Variants in RCAN3 observed in about 807,000 individuals in gnomAD.
RCAN3 encodes regulator of calcineurin 3, also known as calcipressin-3.
Under a neutral mutation model 21.9 loss-of-function variants are expected in RCAN3, and 19 were observed. The observed-to-expected ratio is 0.87, with a 90% CI of 0.61 to 1.27. The LOEUF (loss-of-function observed/expected upper bound fraction) is 1.27, where lower values mean the gene tolerates loss of function less well. Ranked by LOEUF, RCAN3 falls within the 50% of genes most tolerant of loss-of-function variation. The probability of loss-of-function intolerance (pLI) is 0.00; values close to 1 mark genes in which losing one functional copy is unlikely to be tolerated. For missense variants in RCAN3, 240 were observed against 300.1 expected (o/e 0.80, Z 1.48); for synonymous variants, 114 against 112.3 (o/e 1.01, Z -0.09).
chr1:24,511,296 A>C (rs996087033), intron 1 of RCAN3, among the ~76,000 whole-genome samples: 3 of 152,150 alleles, frequency 2.0e-5, no homozygotes, highest in Non-Finnish European at 4.4e-5. Flanking sequence ...CTGGGCGACA[A>C]AGCAAGACTC....
chr1:24,520,971 A>G (rs1464710627), intron 2 of RCAN3, among the ~76,000 whole-genome samples: 2 of 152,192 alleles, frequency 1.3e-5, no homozygotes, highest in Non-Finnish European at 2.9e-5. Flanking sequence ...TGAAATTCAT[A>G]TAGAACCTCA....
chr1:24,520,928 A>G (rs566438666), intron 2 of RCAN3, among the ~76,000 whole-genome samples: 1 of 152,212 alleles, frequency 6.6e-6, no homozygotes, highest in Non-Finnish European at 1.5e-5. Flanking sequence ...CAAAATCCCA[A>G]TGATTTTTTT....
intron 1 of RCAN3, among the ~76,000 whole-genome samples, chr1:24,512,827 T>C (rs551856094): frequency 6.9e-4 from 105 of 152,336 alleles, no homozygotes; most frequent in African/African-American, 2.2e-3. Flanking sequence ...GTGCACTTCA[T>C]TGGAAGAGGC....
intron 2 of RCAN3, among the ~76,000 whole-genome samples, chr1:24,521,252 C>T (rs1306818127): frequency 6.6e-6 from 1 of 152,088 alleles, no homozygotes; most frequent in Non-Finnish European, 1.5e-5. Context: ...AAACTGAAAT[C>T]CACATGCAGA....
chr1:24,533,914 T>C (rs925196987), intron 4 of RCAN3, among the ~76,000 whole-genome samples: 1 of 152,218 alleles, frequency 6.6e-6, no homozygotes, highest in African/African-American at 2.4e-5. Flanking sequence ...AGTTAGTGAA[T>C]ATGAGGTGCC....
At chr1:24,524,853 A>G (rs578002244) in intron 2 of RCAN3, among the ~76,000 whole-genome samples, 1 of 134,112 alleles carries the variant, frequency 7.5e-6, no homozygotes, top group South Asian at 2.3e-4. Flanking sequence ...TTTTTGAGAC[A>G]GGGTCTCGCT....
chr1:24,517,659 A>G (rs989640553), intron 2 of RCAN3, among the ~76,000 whole-genome samples: 3 of 152,182 alleles, frequency 2.0e-5, no homozygotes, highest in Non-Finnish European at 4.4e-5. Context: ...AAATGTTTAT[A>G]TTATGGTTAT....
chr1:24,531,167 CTTTT>C, intron 2 of RCAN3, 47 bp from the exon 3 acceptor site: 1 of 1,003,214 alleles, frequency 1.0e-6, no homozygotes, highest in Non-Finnish European at 1.3e-6. Flanking sequence ...AAAGGTTTTT[CTTTT>C]TTTTTTTTCC....
At position 24,538,965 on chromosome 1, in the gene RCAN3, C is replaced by G. The variant is rs1203980792; in HGVS notation, c.*3688C>G. On this transcript the variant is annotated 3_prime_UTR_variant, in exon 5 of 5. Transcript: ENST00000374395. The stretch of plus-strand genomic sequence containing the variant: ...AAAAAGTTTCCCATTCATATTAACT[C>G]CATCTTTTAAAAATGTCATGATTAC... 1 of 152,038 alleles carries G rather than the reference C, an allele frequency of 6.6e-6. No homozygotes were observed. Among genetic ancestry groups the G allele is most frequent in the Non-Finnish European group, 1.5e-5 (1 of 68,012 alleles). 9.4% of individuals were successfully genotyped at this position (152,038 alleles called of 1,614,324 possible).
intron 2 of RCAN3, among the ~76,000 whole-genome samples, chr1:24,518,817 A>G (rs1163495647): frequency 6.6e-6 from 1 of 152,086 alleles, no homozygotes; most frequent in Non-Finnish European, 1.5e-5. Context: ...TCTGTCACCC[A>G]GGCTGGAGTG....
Position 24,536,932 on chromosome 1 carries a change from A to G in RCAN3, c.*1655A>G, listed in dbSNP as rs1335108223. On this transcript the variant is annotated 3_prime_UTR_variant, in exon 5 of 5. Coordinates refer to ENST00000374395, the MANE Select transcript of RCAN3 (RefSeq NM_013441.4). ...AAATTCAGTTGAAATTTGCAATTCT[A>G]TCAGCAATTTAATGTATTGAATTCA... The G allele has an allele frequency of 2.6e-5, 4 of 152,052 alleles. No homozygotes were observed. Among genetic ancestry groups the G allele is most frequent in the South Asian group, 4.1e-4 (2 of 4,828 alleles). 9.4% of individuals were successfully genotyped at this position (152,052 alleles called of 1,614,324 possible). A position where few individuals can be genotyped will look rare whatever the true frequency, so the allele number is the denominator to read the frequency against.
chr1:24,531,279 G>C lies in RCAN3; in HGVS notation c.257G>C (p.Ser86Thr). 6.2e-7 allele frequency: 1 copy of C among 1,613,330 alleles called. No homozygotes were observed. The highest frequency in any genetic ancestry group is 8.5e-7 in the Non-Finnish European group (1 of 1,179,710). The change falls in exon 3 of 5, where the codon AGC (serine) becomes ACC (threonine). Residue 86 changes from serine to threonine, a missense_variant. By Grantham distance (58) the Ser-to-Thr change is moderately conservative. Coordinates refer to ENST00000374395, the MANE Select transcript of RCAN3 (RefSeq NM_013441.4). ...CAGGTTACTTTTCAGCTGTTTAAAA[G>C]CTTTAGAAGAGTCAGAATAAATTTC... is the stretch of plus-strand genomic sequence containing the variant. ...DDQVTFQLFK[S>T]FRRVRINFSK...
chr1:24,532,444 C>G (rs1172195655), intron 3 of RCAN3, among the ~76,000 whole-genome samples: 7 of 151,662 alleles, frequency 4.6e-5, no homozygotes, highest in African/African-American at 1.7e-4. Context: ...CCAGGCTGAT[C>G]TCAAACTCCT....
upstream of RCAN3, among the ~76,000 whole-genome samples, chr1:24,502,725 C>G (rs1462163148): frequency 6.6e-6 from 1 of 151,366 alleles, no homozygotes; most frequent in Non-Finnish European, 1.5e-5. Flanking sequence ...GGAGGGCGCG[C>G]GCGGCGAGAC....
In RCAN3 at chr1:24,503,163, CGCGGGGCGGG is replaced by C. The variant is rs962606832; in HGVS notation, c.-60+29_-60+38del. On this transcript the variant is annotated intron_variant, in intron 1 of 4. Transcript: ENST00000374395. The stretch of plus-strand genomic sequence containing the variant: ...GCCTCTCCAGCAGGTTTGCACCCAG[CGCGGGGCGGG>C]GCGGGGCGGGGCGGGTGGGGGGGGT... 5.5e-5 allele frequency: 6 copies of C among 110,000 alleles called. No homozygotes were observed. Among genetic ancestry groups the C allele is most frequent in the South Asian group, 3.5e-4 (1 of 2,892 alleles). The allele number at this position is 110,000 out of a possible 1,614,324, so 6.8% of individuals were successfully genotyped here.
rs1005515429 is a variant in RCAN3, at chr1:24,538,281, C to G, written c.*3004C>G. ...GAAAGCAAATTAGTCTTTTCACATT[C>G]TGCTTCTTCAAAATGTTGTACTCAA... On this transcript the variant is annotated 3_prime_UTR_variant, in exon 5 of 5. Transcript: ENST00000374395. 6.6e-6 allele frequency: 1 copy of G among 152,218 alleles called. No individual in the cohort carries two copies. The allele number at this position is 152,218 out of a possible 1,614,324, so 9.4% of individuals were successfully genotyped here.
intron 2 of RCAN3, among the ~76,000 whole-genome samples, chr1:24,523,650 T>A (rs917251339): frequency 7.6e-5 from 11 of 144,174 alleles, no homozygotes; most frequent in East Asian, 3.9e-4. Flanking sequence ...ACATATATAT[T>A]TTTTTTCTTC....
At chr1:24,533,037 C>A (rs189531936) in intron 3 of RCAN3, 46 bp from the exon 4 acceptor site, 2 of 1,137,572 alleles carry the variant, frequency 1.8e-6, no homozygotes, top group Non-Finnish European at 2.2e-6. Context: ...ATGAAGAAAA[C>A]ATAGCCCGGT....
At chr1:24,508,588 C>T (rs1647637492) in intron 1 of RCAN3, among the ~76,000 whole-genome samples, 1 of 152,152 alleles carries the variant, frequency 6.6e-6, no homozygotes, top group African/African-American at 2.4e-5. Flanking sequence ...ACCCAGAAGG[C>T]AGGGACACAG....
Sources: gnomAD v4.1 joint callset for allele counts (sites outside exome capture counted in the v4.1 genomes callset) on GRCh38, gnomAD v4.1.1 for gene constraint, MANE v1.5 for transcripts, NCBI Gene and HGNC (gene_info 2026-07-23, HGNC 2026-07-21) for gene names.